The following RHBDL3 variants were observed in gnomAD, a reference collection of about 807,000 sequenced individuals.
RHBDL3 encodes the protein rhomboid-related protein 3.
RHBDL3 carries 28 observed loss-of-function variants against 48.2 expected under a neutral mutation model. The ratio of observed to expected loss-of-function variants is 0.58; its 90% confidence interval spans 0.43 to 0.80. The LOEUF is 0.80. RHBDL3 is among the 30% of genes least tolerant of loss of function. The pLI is 0.00. For synonymous variants in RHBDL3, 208 were observed against 232.3 expected (o/e 0.90, Z 0.95); for missense variants, 464 against 542.7 (o/e 0.85, Z 1.44).
intron 7 of RHBDL3, among the ~76,000 whole-genome samples, chr17:32,308,610 T>C (rs1300864729): frequency 6.6e-6 from 1 of 151,902 alleles, no homozygotes; most frequent in Non-Finnish European, 1.5e-5. Context: ...TGAAGCCCTG[T>C]CTCAAAAAAA....
chr17:32,284,669 G>A lies in RHBDL3; in HGVS notation c.146G>A (p.Gly49Glu). Residue 49 changes from glycine (G) to glutamate (E), a missense_variant, in exon 3 of 9, where the codon GGG becomes GAG. By Grantham distance (98) the Gly-to-Glu change is moderately conservative. Coordinates refer to ENST00000269051, the MANE Select transcript of RHBDL3 (RefSeq NM_138328.3). ...CTGCTTTTCCCTCAGTTTGACCCTG[G>A]GAACACAGGCTACATTAGCACAGGC... is the stretch of plus-strand genomic sequence containing the variant. ...WKVLFDQFDP[G>E]NTGYISTGKF... The A allele has an allele frequency of 6.2e-7, 1 of 1,614,034 alleles. No individual in the cohort carries two copies. The highest frequency in any genetic ancestry group is 1.1e-5 in the South Asian group (1 of 91,082).
At chr17:32,286,422 A>T (rs1458351913) in intron 3 of RHBDL3, among the ~76,000 whole-genome samples, 1 of 152,186 alleles carries the variant, frequency 6.6e-6, no homozygotes, top group African/African-American at 2.4e-5. Flanking sequence ...GGAAGCTCTG[A>T]GTAGAGCAGA....
intron 2 of RHBDL3, among the ~76,000 whole-genome samples, chr17:32,270,662 T>C (rs1397948732): frequency 2.0e-5 from 3 of 152,058 alleles, no homozygotes; most frequent in African/African-American, 7.2e-5. Context: ...GGCCAATCCA[T>C]GCCACGCACC....
At chr17:32,320,843 A>G (rs915991468) in intron 8 of RHBDL3, 115 bp from the exon 9 acceptor site, 3 of 721,556 alleles carry the variant, frequency 4.2e-6, no homozygotes, top group Non-Finnish European at 7.1e-6. Context: ...TCCCCAGTGC[A>G]GAGAATGGTG....
intron 1 of RHBDL3, among the ~76,000 whole-genome samples, chr17:32,266,598 G>A (rs1002560724): frequency 6.6e-6 from 1 of 152,154 alleles, no homozygotes; most frequent in Non-Finnish European, 1.5e-5. Flanking sequence ...CCCGGGACAC[G>A]GCGTTTTCCC....
chr17:32,308,607 C>T (rs1176024061), intron 7 of RHBDL3, among the ~76,000 whole-genome samples: 2 of 151,928 alleles, frequency 1.3e-5, no homozygotes, highest in African/African-American at 4.8e-5. Context: ...GAGTGAAGCC[C>T]TGTCTCAAAA....
chr17:32,266,158 A>AGCC lies in RHBDL3; in HGVS notation c.-22_-20dup, dbSNP rs1334824398. 2.2e-6 allele frequency: 2 copies of AGCC among 909,024 alleles called. No individual in the cohort carries two copies. The highest frequency in any genetic ancestry group is 5.0e-5 in the Admixed American group (1 of 19,950). 56.3% of individuals were successfully genotyped at this position (909,024 alleles called of 1,614,324 possible). Reference sequence around the variant, plus strand: ...CCCGGCGCCCCGGGACGAGCCCCGCAGCCGCCGCCGCCCCCGGACCCCGTC... The same window carrying AGCC: ...CCCGGCGCCCCGGGACGAGCCCCGCAGCCGCCGCCGCCGCCCCCGGACCCCGTC... On this transcript the variant is annotated 5_prime_UTR_variant, in exon 1 of 9. Coordinates refer to ENST00000269051, the MANE Select transcript of RHBDL3 (RefSeq NM_138328.3).
intron 5 of RHBDL3, among the ~76,000 whole-genome samples, chr17:32,296,979 C>G (rs1046553553): frequency 1.3e-5 from 2 of 151,698 alleles, no homozygotes; most frequent in African/African-American, 2.4e-5. Flanking sequence ...CTCAGCTTCT[C>G]TAGTAGCTGG....
rs78000351 is a variant in RHBDL3, at chr17:32,271,930, G to A, written c.135+4005G>A. Among the ~76,000 whole-genome samples, 14 of 152,290 alleles carry A rather than the reference G, an allele frequency of 9.2e-5. 1 individual carries two copies. The East Asian group carries it at 1.2e-3, about 13-fold the overall frequency. ...GATGAACAGAAGGCGTGGATCCGCC[G>A]CTTCGGTGGGTTGCTGGGGTCAGAA... is the stretch of plus-strand genomic sequence containing the variant. On this transcript the variant is annotated intron_variant, in intron 2 of 8. Coordinates refer to ENST00000269051, the MANE Select transcript of RHBDL3 (RefSeq NM_138328.3).
At chr17:32,269,213 T>C (rs2039709499) in intron 2 of RHBDL3, among the ~76,000 whole-genome samples, 2 of 152,224 alleles carry the variant, frequency 1.3e-5, no homozygotes, top group Admixed American at 6.5e-5. Flanking sequence ...CCAGGCATGG[T>C]AGCACACTCC....
rs1248544885 is a variant in RHBDL3, at chr17:32,288,457, A to G, written c.295-335A>G. ...GATGAAGGAAGGTATAGTGAACACA[A>G]ATACGGGCTCTGGAGCCTTACTGAG... On this transcript the variant is annotated intron_variant, in intron 3 of 8. Transcript: ENST00000269051. 4 of 311,354 alleles carry G rather than the reference A, an allele frequency of 1.3e-5. No individual in the cohort carries two copies. The East Asian group carries it at 2.5e-4, about 20-fold the overall frequency. The allele number at this position is 311,354 out of a possible 1,614,324, so 19.3% of individuals were successfully genotyped here.
At chr17:32,272,045 C>T (rs752319322) in intron 2 of RHBDL3, among the ~76,000 whole-genome samples, 2 of 152,250 alleles carry the variant, frequency 1.3e-5, no homozygotes, top group Non-Finnish European at 2.9e-5. Context: ...GCCTCAGTTT[C>T]TTCCTCTGTA....
intron 7 of RHBDL3, among the ~76,000 whole-genome samples, chr17:32,308,611 C>T (rs2040765278): frequency 6.6e-6 from 1 of 151,830 alleles, no homozygotes; most frequent in Non-Finnish European, 1.5e-5. Context: ...GAAGCCCTGT[C>T]TCAAAAAAAA....
At chr17:32,278,966 A>G (rs1199980334) in intron 2 of RHBDL3, among the ~76,000 whole-genome samples, 1 of 152,214 alleles carries the variant, frequency 6.6e-6, no homozygotes, top group East Asian at 1.9e-4. Flanking sequence ...GTCTCTACAA[A>G]AAAATTTAAA....
chr17:32,268,007 A>G lies in RHBDL3; in HGVS notation c.135+82A>G, dbSNP rs1305562259. On this transcript the variant is annotated intron_variant, in intron 2 of 8. Transcript: ENST00000269051. ...TCTCCCTGCTTGCGTGGGCTTCCCT[A>G]GCTCCGCGCTCCTGAGATGGTGACG... 4 of 1,055,814 alleles carry G rather than the reference A, an allele frequency of 3.8e-6. No homozygotes were observed. In the East Asian group the frequency reaches 7.1e-5, roughly 19 times the overall value. The allele number at this position is 1,055,814 out of a possible 1,614,324, so 65.4% of individuals were successfully genotyped here.
intron 2 of RHBDL3, among the ~76,000 whole-genome samples, chr17:32,277,869 C>T (rs2039951487): frequency 6.6e-6 from 1 of 152,212 alleles, no homozygotes; most frequent in African/African-American, 2.4e-5. Context: ...CAGGTTTCTC[C>T]AGCCTAAAAC....
At chr17:32,319,320 G>A (rs1007067987) in intron 8 of RHBDL3, among the ~76,000 whole-genome samples, 1 of 151,224 alleles carries the variant, frequency 6.6e-6, no homozygotes, top group African/African-American at 2.4e-5. Context: ...TACTGGGGAG[G>A]CTGAGGCAGG....
chr17:32,321,268 A>T lies in RHBDL3; in HGVS notation c.*39A>T. 6.2e-7 allele frequency: 1 copy of T among 1,613,462 alleles called. No homozygotes were observed. On this transcript the variant is annotated 3_prime_UTR_variant, in exon 9 of 9. Coordinates refer to ENST00000269051, the MANE Select transcript of RHBDL3 (RefSeq NM_138328.3). ...AAGGTCGGGGAGGGGAGGGAAAAGC[A>T]GCACCCACAGGGAGCGCCTGCGAGG...
intron 2 of RHBDL3, among the ~76,000 whole-genome samples, chr17:32,273,618 G>C (rs942361124): frequency 4.6e-5 from 7 of 152,214 alleles, no homozygotes; most frequent in Admixed American, 3.9e-4. Context: ...GTGAAGACGG[G>C]ATGCTGTGTG....
Sources: allele counts gnomAD v4.1 joint callset (sites outside exome capture counted in the v4.1 genomes callset), GRCh38; gene constraint gnomAD v4.1.1; transcripts MANE v1.5; gene names NCBI Gene and HGNC (gene_info 2026-07-23, HGNC 2026-07-21).